Variants in KCTD10 observed in about 807,000 individuals in gnomAD.
KCTD10 encodes BTB/POZ domain-containing adapter for CUL3-mediated RhoA degradation protein 3.
In KCTD10, 13 loss-of-function variants were observed where a neutral mutation model predicts 34.6. The ratio of observed to expected loss-of-function variants is 0.38; its 90% CI spans 0.24 to 0.60. The LOEUF is 0.60. Ranked by LOEUF, KCTD10 falls within the 20% of genes least tolerant of loss-of-function variation. The pLI, the probability that KCTD10 is intolerant of heterozygous loss-of-function variation, is 0.66. For synonymous variants in KCTD10, 156 were observed against 168.8 expected (o/e 0.92, Z 0.59); for missense variants, 256 against 420.3 (o/e 0.61, Z 3.42).
intron 1 of KCTD10, among the ~76,000 whole-genome samples, chr12:109,473,629 T>A (rs76359023): frequency 0.015 from 2,276 of 152,198 alleles, 53 homozygotes; most frequent in African/African-American, 0.052. Context: ...AACCTAATAG[T>A]AGGCAAGGCC....
At chr12:109,456,062 T>C in intron 6 of KCTD10, 56 bp downstream of exon 6, 3 of 1,539,662 alleles carry the variant, frequency 1.9e-6, no homozygotes, top group Non-Finnish European at 1.8e-6. Flanking sequence ...GAAAGGAAGT[T>C]CTATAGGTGT....
intron 3 of KCTD10, chr12:109,458,513 G>A (rs972651789): frequency 6.4e-6 from 1 of 156,414 alleles, no homozygotes; most frequent in African/African-American, 2.4e-5. Flanking sequence ...AAAAATTTGA[G>A]GGTAGAAAGG....
intron 2 of KCTD10, chr12:109,464,665 A>G (rs2135666311): frequency 3.1e-6 from 1 of 319,788 alleles, no homozygotes; most frequent in South Asian, 2.5e-5. Context: ...ATGTGTAAGT[A>G]AGATGCAATC....
At chr12:109,474,138 C>G (rs977299425) in intron 1 of KCTD10, among the ~76,000 whole-genome samples, 12 of 152,118 alleles carry the variant, frequency 7.9e-5, no homozygotes, top group African/African-American at 2.9e-4. Context: ...TGGTCTCGAA[C>G]TCCCGACCTC....
At chr12:109,456,393 C>T (rs753837616) in intron 5 of KCTD10, 80 bp from the exon 6 acceptor site, 1 of 1,230,150 alleles carries the variant, frequency 8.1e-7, no homozygotes, top group Non-Finnish European at 1.2e-6. Context: ...CACGCAGGGC[C>T]CTACTGAGCC....
At chr12:109,469,341 G>T in intron 2 of KCTD10, 174 bp downstream of exon 2, 2 of 700,782 alleles carry the variant, frequency 2.9e-6, no homozygotes, top group Non-Finnish European at 4.7e-6. Flanking sequence ...GGGTGAGGAA[G>T]TGACTTTCTC....
Position 109,451,104 on chromosome 12 carries a change from G to T in KCTD10, c.*491C>A. 1 of 153,682 alleles carries T rather than the reference G, an allele frequency of 6.5e-6. No individual in the cohort carries two copies. 9.5% of individuals were successfully genotyped at this position (153,682 alleles called of 1,614,324 possible). A position where few individuals can be genotyped will look rare whatever the true frequency, so the allele number is the denominator to read the frequency against. On this transcript the variant is annotated 3_prime_UTR_variant, in exon 7 of 7. Transcript: ENST00000228495. The surrounding 1 kb of genome is among the most constrained non-coding windows in gnomAD (Gnocchi z 5.0). ...CCCGGGCCAAACACACAGGAACCAGGAGTGGACCTGCTGGGGCTGGAGGAT... is the reference window on the plus strand; with the variant it reads ...CCCGGGCCAAACACACAGGAACCAGTAGTGGACCTGCTGGGGCTGGAGGAT...
In KCTD10 at chr12:109,451,645, G is replaced by A. The variant is rs1174156681; in HGVS notation, c.892C>T (p.Arg298Trp). The change falls in exon 7 of 7, where the codon CGG becomes TGG. Residue 298 changes from arginine (R) to tryptophan (W), a missense_variant. By Grantham distance (101) the Arg-to-Trp change is moderately radical. Transcript: ENST00000228495. This position sits in a 1 kb window ranked among gnomAD's most constrained non-coding sequence, Gnocchi z 5.0. Reference sequence around the variant, plus strand: ...TCAGGGCGCTTGATGTGGATCCTCCGCACGCGCTCGATCCGCTCCCGCTCC... The same window carrying A: ...TCAGGGCGCTTGATGTGGATCCTCCACACGCGCTCGATCCGCTCCCGCTCC... Reference protein sequence around the residue: ...DEERERIERVRRIHIKRPDDR... With the variant: ...DEERERIERVWRIHIKRPDDR... The A allele has an allele frequency of 6.2e-6, 10 of 1,612,346 alleles. No individual in the cohort carries two copies. The highest frequency in any genetic ancestry group is 2.2e-5 in the East Asian group (1 of 44,854).
chr12:109,458,153 G>A (rs11609019), intron 3 of KCTD10, 75 bp from the exon 4 acceptor site: 205,414 of 1,214,316 alleles, frequency 0.17, 18,225 homozygotes, highest in Middle Eastern at 0.2. Flanking sequence ...CGGCTGGACA[G>A]GCTCTGGCGA....
At chr12:109,470,419 C>T (rs1189252079) in intron 1 of KCTD10, 6 of 985,412 alleles carry the variant, frequency 6.1e-6, no homozygotes, top group African/African-American at 3.5e-5. Flanking sequence ...ACTACCATCT[C>T]CCTGATAGCA....
In KCTD10 at chr12:109,448,933, G is replaced by A. The variant is rs1285837000; in HGVS notation, c.*2662C>T. The stretch of plus-strand genomic sequence containing the variant: ...CCCACACAGTGATCGCCCCACGGGA[G>A]GGTGACAGAATATGCCAGGAATTGT... On this transcript the variant is annotated 3_prime_UTR_variant, in exon 7 of 7. Transcript: ENST00000228495. 1 of 152,168 alleles carries A rather than the reference G, an allele frequency of 6.6e-6. No individual in the cohort carries two copies. Among genetic ancestry groups the A allele is most frequent in the African/African-American group, 2.4e-5 (1 of 41,424 alleles). The allele number at this position is 152,168 out of a possible 1,614,324, so 9.4% of individuals were successfully genotyped here.
chr12:109,451,509 G>A lies in KCTD10; in HGVS notation c.*86C>T, dbSNP rs1457054503. On this transcript the variant is annotated 3_prime_UTR_variant, in exon 7 of 7. Coordinates refer to ENST00000228495, the MANE Select transcript of KCTD10 (RefSeq NM_031954.5). This position sits in a 1 kb window ranked among gnomAD's most constrained non-coding sequence, Gnocchi z 5.0. ...TCTCCAGGCTCCAAGGGAAGCAGAAGGGGCCCGGCAGCCTGCACAGGATCT... is the reference window on the plus strand; with the variant it reads ...TCTCCAGGCTCCAAGGGAAGCAGAAAGGGCCCGGCAGCCTGCACAGGATCT... 6.4e-5 allele frequency: 83 copies of A among 1,296,266 alleles called. No homozygotes were observed. The highest frequency in any genetic ancestry group is 8.8e-5 in the Non-Finnish European group (83 of 944,974). The allele number at this position is 1,296,266 out of a possible 1,614,324, so 80.3% of individuals were successfully genotyped here.
chr12:109,466,617 C>T (rs894666498), intron 2 of KCTD10, among the ~76,000 whole-genome samples: 2 of 152,178 alleles, frequency 1.3e-5, no homozygotes, highest in African/African-American at 4.8e-5. Context: ...TACTTGCACA[C>T]AGTACAAAAC....
chr12:109,456,221 A>G lies in KCTD10; in HGVS notation c.620T>C (p.Ile207Thr). ...GGACCAGCAGCAGATTTCATCCCCA[A>G]TAACATCCTTTATGAACAGGACCCT... ...NGRVLFIKDV[I>T]GDEICCWSFY... The change falls in exon 6 of 7, where the codon ATT (isoleucine) becomes ACT (threonine). Residue 207 changes from isoleucine (I) to threonine (T), a missense_variant. Transcript: ENST00000228495. 1 of 1,614,182 alleles carries G rather than the reference A, an allele frequency of 6.2e-7. No individual in the cohort carries two copies.
intron 4 of KCTD10, 104 bp from the exon 5 acceptor site, chr12:109,457,786 G>A: frequency 1.6e-6 from 2 of 1,252,364 alleles, no homozygotes; most frequent in Non-Finnish European, 2.3e-6. Flanking sequence ...ATCAGAAGAG[G>A]CAGACAAGCA....
In KCTD10 at chr12:109,449,874, T is replaced by C. The variant is rs1247908309; in HGVS notation, c.*1721A>G. The C allele has an allele frequency of 6.1e-6, 1 of 163,166 alleles. No homozygotes were observed. The highest frequency in any genetic ancestry group is 2.4e-5 in the African/African-American group (1 of 41,938). The allele number at this position is 163,166 out of a possible 1,614,324, so 10.1% of individuals were successfully genotyped here. ...TACGAAACATTTTGTAAGCCCTCTT[T>C]CCTTAGCACTTAATAAAATCCAAAT... On this transcript the variant is annotated 3_prime_UTR_variant, in exon 7 of 7. Transcript: ENST00000228495.
intron 1 of KCTD10, 42 bp downstream of exon 1, chr12:109,477,218 G>C (rs1244662706): frequency 6.2e-7 from 1 of 1,609,846 alleles, no homozygotes; most frequent in East Asian, 2.2e-5. Flanking sequence ...CAGCTCCCTC[G>C]GCCGCCCTCA....
At chr12:109,471,468 AAT>A (rs1378198463) in intron 1 of KCTD10, 2 of 968,676 alleles carry the variant, frequency 2.1e-6, no homozygotes, top group African/African-American at 1.8e-5. Context: ...GTCACAAGAA[AAT>A]ATGTTTTCAA....
intron 6 of KCTD10, among the ~76,000 whole-genome samples, chr12:109,453,041 G>A (rs1226226700): frequency 6.6e-6 from 1 of 152,104 alleles, no homozygotes; most frequent in Non-Finnish European, 1.5e-5. Context: ...AGCCAGGACG[G>A]GAGTCCAAGG....
Sources: allele counts gnomAD v4.1 joint callset (sites outside exome capture counted in the v4.1 genomes callset), GRCh38; gene constraint gnomAD v4.1.1; non-coding constraint Gnocchi (gnomAD v3.1); transcripts MANE v1.5; gene names NCBI Gene and HGNC (gene_info 2026-07-23, HGNC 2026-07-21).